The following GALNT9 variants were observed in gnomAD, a reference collection of about 807,000 sequenced individuals.
GALNT9 encodes the protein polypeptide N-acetylgalactosaminyltransferase 9, also known as GalNAc transferase 9.
In GALNT9, 47 loss-of-function variants were observed where a neutral mutation model predicts 63.1. The observed-to-expected ratio is 0.75, with a 90% CI of 0.59 to 0.95. GALNT9 has a LOEUF of 0.95. GALNT9 is among the 40% of genes least tolerant of loss of function. The pLI, the probability that GALNT9 is intolerant of heterozygous loss-of-function variation, is 0.00. For synonymous variants in GALNT9, 396 were observed against 365.7 expected (o/e 1.08, Z -0.94); for missense variants, 829 against 874.8 (o/e 0.95, Z 0.66).
intron 6 of GALNT9, among the ~76,000 whole-genome samples, chr12:132,216,256 T>A (rs980262990): frequency 1.5e-4 from 22 of 151,520 alleles, no homozygotes; most frequent in Non-Finnish European, 2.8e-4. Context: ...GAGATAGAGA[T>A]GAAGACACAG....
Position 132,243,336 on chromosome 12 carries a change from G to T in GALNT9, c.1077+4574C>A, listed in dbSNP as rs2136904248. ...TACACACACACCACACACCCTTCCC[G>T]GGGGGCCATCAGGGCCCCCAGTGGC... On this transcript the variant is annotated intron_variant, in intron 6 of 10. Coordinates refer to ENST00000328957, the MANE Select transcript of GALNT9 (RefSeq NM_001122636.2). Among the ~76,000 whole-genome samples the T allele has an allele frequency of 3.8e-4, 38 of 100,218 alleles. 3 individuals carry two copies. The highest frequency in any genetic ancestry group is 1.1e-3 in the African/African-American group (29 of 27,150). The allele number at this position is 100,218 out of a possible 152,430, so 65.7% of individuals were successfully genotyped here. A position where few individuals can be genotyped will look rare whatever the true frequency, so the allele number is the denominator to read the frequency against.
At chr12:132,304,825 G>A (rs1386346171) in intron 1 of GALNT9, among the ~76,000 whole-genome samples, 8 of 44,048 alleles carry the variant, frequency 1.8e-4, no homozygotes, top group East Asian at 1.4e-3. Context: ...CCTCGCCCGG[G>A]CACACCCTCG....
At chr12:132,262,723 G>A in intron 2 of GALNT9, 98 bp from the exon 3 acceptor site, 7 of 1,450,400 alleles carry the variant, frequency 4.8e-6, no homozygotes, top group Non-Finnish European at 6.4e-6. Flanking sequence ...CACGGTTTGG[G>A]GTGCGGTCAG....
In GALNT9 at chr12:132,319,217, C is replaced by T. The variant is rs1333399356; in HGVS notation, c.238+9749G>A. 6.6e-6 allele frequency among the ~76,000 whole-genome samples: 1 copy of T among 152,134 alleles called. No homozygotes were observed. Among genetic ancestry groups the T allele is most frequent in the Admixed American group, 6.5e-5 (1 of 15,278 alleles). ...AGTATTGCTTCCAGGTGCGTCTGTG[C>T]GAGATTTGAGTCTGAATCAGGGGGC... is the stretch of plus-strand genomic sequence containing the variant. On this transcript the variant is annotated intron_variant, in intron 1 of 10. Coordinates refer to ENST00000328957, the MANE Select transcript of GALNT9 (RefSeq NM_001122636.2). The surrounding 1 kb of genome is among the most constrained non-coding windows in gnomAD (Gnocchi z 5.2).
chr12:132,237,624 C>T (rs1033582232), intron 6 of GALNT9, among the ~76,000 whole-genome samples: 3 of 151,742 alleles, frequency 2.0e-5, no homozygotes, highest in Non-Finnish European at 4.4e-5. Context: ...GCTCACACCA[C>T]ACACCTGCCC....
At chr12:132,311,926 C>T (rs1356595282) in intron 1 of GALNT9, among the ~76,000 whole-genome samples, 3 of 152,182 alleles carry the variant, frequency 2.0e-5, no homozygotes, top group Admixed American at 6.5e-5. Flanking sequence ...ACCAATTTAA[C>T]GTGCCTGGCT....
intron 2 of GALNT9, chr12:132,283,528 C>T (rs551217102): frequency 6.7e-6 from 1 of 150,304 alleles, no homozygotes; most frequent in African/African-American, 2.5e-5. Context: ...GCCCTGCTCA[C>T]CTGGCCTTGG....
chr12:132,317,289 C>T (rs1459975214), intron 1 of GALNT9, among the ~76,000 whole-genome samples: 2 of 152,222 alleles, frequency 1.3e-5, no homozygotes, highest in Non-Finnish European at 1.5e-5. Context: ...CCACACCCCA[C>T]AGAAGCAGCT....
In GALNT9 at chr12:132,329,479, G is replaced by T; in HGVS notation, c.-276C>A. 5.8e-6 allele frequency: 1 copy of T among 172,894 alleles called. No individual in the cohort carries two copies. The highest frequency in any genetic ancestry group is 1.8e-4 in the South Asian group (1 of 5,496). The allele number at this position is 172,894 out of a possible 1,614,324, so 10.7% of individuals were successfully genotyped here. ...GGCCCCGCCCCGGGGAGCGGTGAGG[G>T]GGGCCGGGGGCGCCGGGGGGCGGCG... is the stretch of plus-strand genomic sequence containing the variant. On this transcript the variant is annotated 5_prime_UTR_variant, in exon 1 of 11. Coordinates refer to ENST00000328957, the MANE Select transcript of GALNT9 (RefSeq NM_001122636.2).
At chr12:132,262,204 G>A (rs565764676) in intron 3 of GALNT9, among the ~76,000 whole-genome samples, 62 of 152,338 alleles carry the variant, frequency 4.1e-4, no homozygotes, top group East Asian at 2.7e-3. Flanking sequence ...GAGAAGAAGA[G>A]AGGATGCAGA....
Position 132,203,546 on chromosome 12 carries a change from A to C in GALNT9, c.1222T>G (p.Phe408Val). 5.6e-6 allele frequency: 9 copies of C among 1,613,982 alleles called. No individual in the cohort carries two copies. The highest frequency in any genetic ancestry group is 7.6e-6 in the Non-Finnish European group (9 of 1,179,876). The change falls in exon 7 of 11, where the codon TTC becomes GTC. Residue 408 changes from phenylalanine to valine, a missense_variant. Coordinates refer to ENST00000328957, the MANE Select transcript of GALNT9 (RefSeq NM_001122636.2). ...LRAAEVWMDDFKSHVYMAWNI... is the reference protein window; with the variant it reads ...LRAAEVWMDDVKSHVYMAWNI... ...CAGGCCATGTACACGTGGGACTTGA[A>C]GTCATCCATCCACACCTCGGCGGCG...
At chr12:132,222,220 G>C (rs1877478703) in intron 6 of GALNT9, among the ~76,000 whole-genome samples, 2 of 152,268 alleles carry the variant, frequency 1.3e-5, no homozygotes, top group Non-Finnish European at 2.9e-5. Context: ...ACGAGTATCA[G>C]AAAGATGTTC....
At chr12:132,209,814 C>A (rs913929828) in intron 6 of GALNT9, among the ~76,000 whole-genome samples, 2 of 152,184 alleles carry the variant, frequency 1.3e-5, no homozygotes, top group African/African-American at 4.8e-5. Context: ...TAATCCATCC[C>A]TTGTTTAGCA....
At chr12:132,210,594 T>C (rs576354846) in intron 6 of GALNT9, among the ~76,000 whole-genome samples, 1 of 152,216 alleles carries the variant, frequency 6.6e-6, no homozygotes, top group Non-Finnish European at 1.5e-5. Context: ...CGAGTGGGGT[T>C]AACTGGCGGT....
At position 132,329,007 on chromosome 12, in the gene GALNT9, C is replaced by T; in HGVS notation, c.197G>A (p.Arg66His). The change falls in exon 1 of 11, where the codon CGC becomes CAC. Residue 66 changes from arginine (R) to histidine (H), a missense_variant. Physicochemically the swap from Arg to His is conservative, Grantham distance 29. Coordinates refer to ENST00000328957, the MANE Select transcript of GALNT9 (RefSeq NM_001122636.2). The part of the protein sequence containing the change: ...TLGDREAILQ[R>H]LDHLEEVVYN... ...GACCACCTCCTCCAGGTGGTCCAGG[C>T]GCTGCAGGATGGCCTCACGGTCCCC... 2 of 1,542,468 alleles carry T rather than the reference C, an allele frequency of 1.3e-6. No homozygotes were observed. Among genetic ancestry groups the T allele is most frequent in the Non-Finnish European group, 1.7e-6 (2 of 1,145,196 alleles).
chr12:132,243,726 G>T (rs1273823210), intron 6 of GALNT9, among the ~76,000 whole-genome samples: 1 of 152,046 alleles, frequency 6.6e-6, no homozygotes, highest in Admixed American at 6.6e-5. Flanking sequence ...CGTGTCCATC[G>T]TGGCTCTCCC....
Position 132,201,234 on chromosome 12 carries a change from ACACGTCCCCGAAGT to A in GALNT9, c.1277_1290del (p.Asp426ValfsTer2), listed in dbSNP as rs1215859246. On this transcript the variant is annotated frameshift_variant, in exon 8 of 11. Transcript: ENST00000328957. LOFTEE classifies it high-confidence loss of function. ...CTCTGACGCAGGGCCAGCCTCTCAG[ACACGTCCCCGAAGT>A]CCACCCCTGGGTTCTGCAAGGCCAG... 6.2e-7 allele frequency: 1 copy of A among 1,613,368 alleles called. No homozygotes were observed. Among genetic ancestry groups the A allele is most frequent in the East Asian group, 2.2e-5 (1 of 44,896 alleles).
chr12:132,239,987 G>T (rs1217519842), intron 6 of GALNT9, among the ~76,000 whole-genome samples: 1 of 152,092 alleles, frequency 6.6e-6, no homozygotes, highest in African/African-American at 2.4e-5. Context: ...TCTGGGGAGA[G>T]GAGTGATCAG....
intron 6 of GALNT9, among the ~76,000 whole-genome samples, chr12:132,223,152 AACC>A (rs1250219707): frequency 8.1e-5 from 1 of 12,306 alleles, no homozygotes; most frequent in African/African-American, 1.9e-4. Context: ...CACACCACAC[AACC>A]CACACACCAC....
Sources: allele counts gnomAD v4.1 joint callset (sites outside exome capture counted in the v4.1 genomes callset), GRCh38; gene constraint gnomAD v4.1.1; non-coding constraint Gnocchi (gnomAD v3.1); transcripts MANE v1.5; gene names NCBI Gene and HGNC (gene_info 2026-07-23, HGNC 2026-07-21).